Variants in SLC2A13 observed in about 807,000 individuals in gnomAD.
SLC2A13 encodes the protein proton myo-inositol cotransporter.
SLC2A13 carries 32 observed loss-of-function variants against 64.4 expected under a neutral mutation model. The observed-to-expected ratio is 0.50, with a 90% confidence interval of 0.37 to 0.67. The LOEUF (loss-of-function observed/expected upper bound fraction) is 0.67, where lower values mean the gene tolerates loss of function less well. Ranked by LOEUF, SLC2A13 falls within the 30% of genes least tolerant of loss-of-function variation. SLC2A13 has a pLI of 0.00. For synonymous variants in SLC2A13, 338 were observed against 327.1 expected, an observed-to-expected ratio of 1.03 and a Z score of -0.36; for missense variants, 743 against 829.2, an observed-to-expected ratio of 0.90 and a Z score of 1.28.
chr12:40,094,386 G>A (rs887528232), intron 1 of SLC2A13, among the ~76,000 whole-genome samples: 1 of 152,194 alleles, frequency 6.6e-6, no homozygotes, highest in African/African-American at 2.4e-5. Flanking sequence ...TCTGAGGCTG[G>A]CCCAAATTAA....
At chr12:39,924,893 C>T (rs1945692111) in intron 4 of SLC2A13, among the ~76,000 whole-genome samples, 1 of 151,762 alleles carries the variant, frequency 6.6e-6, no homozygotes, top group Non-Finnish European at 1.5e-5. Flanking sequence ...CTATGTAATA[C>T]ATTGTAAAAA....
intron 1 of SLC2A13, among the ~76,000 whole-genome samples, chr12:40,083,430 G>GA (rs1404450401): frequency 6.6e-6 from 1 of 152,112 alleles, no homozygotes; most frequent in Non-Finnish European, 1.5e-5. Flanking sequence ...AAACTACAGA[G>GA]AAAAAATAAC....
intron 1 of SLC2A13, among the ~76,000 whole-genome samples, chr12:40,079,886 G>A (rs746451417): frequency 6.6e-6 from 1 of 151,910 alleles, no homozygotes; most frequent in Non-Finnish European, 1.5e-5. Flanking sequence ...TTTTTGAGAT[G>A]GAGTCTCACT....
Position 39,978,115 on chromosome 12 carries a change from TTGAG to T in SLC2A13, c.926-26754_926-26751del, listed in dbSNP as rs1250455090. On this transcript the variant is annotated intron_variant, in intron 3 of 9. Coordinates refer to ENST00000280871, the MANE Select transcript of SLC2A13 (RefSeq NM_052885.4). Reference sequence around the variant, plus strand: ...GAAGTAAGCCTTCAATACATTTTTGTTGAGTGAGTGAATGAAACGTTTTATGGCT... The same window carrying T: ...GAAGTAAGCCTTCAATACATTTTTGTTGAGTGAATGAAACGTTTTATGGCT... 4.6e-5 allele frequency among the ~76,000 whole-genome samples: 7 copies of T among 152,322 alleles called. No homozygotes were observed. In the South Asian group the frequency reaches 1.2e-3, roughly 27 times the overall value.
At chr12:39,963,180 G>A (rs565022917) in intron 3 of SLC2A13, among the ~76,000 whole-genome samples, 10 of 151,698 alleles carry the variant, frequency 6.6e-5, no homozygotes, top group South Asian at 2.1e-4. Flanking sequence ...CCAGCTACTT[G>A]GGAGGCTGAG....
chr12:39,917,707 C>T (rs1246441566), intron 4 of SLC2A13, among the ~76,000 whole-genome samples: 1 of 152,022 alleles, frequency 6.6e-6, no homozygotes, highest in Non-Finnish European at 1.5e-5. Context: ...CAGTGAATTA[C>T]ACTGCTGACT....
chr12:40,070,333 A>G (rs1565613766), intron 1 of SLC2A13, among the ~76,000 whole-genome samples: 3 of 152,144 alleles, frequency 2.0e-5, no homozygotes, highest in Non-Finnish European at 4.4e-5. Context: ...TAGGAATGCA[A>G]ATAACTGCTT....
chr12:40,022,965 T>A (rs1947746175), intron 3 of SLC2A13, among the ~76,000 whole-genome samples: 1 of 152,142 alleles, frequency 6.6e-6, no homozygotes, highest in Admixed American at 6.5e-5. Context: ...ATTGAACCCA[T>A]GCTATAAATA....
chr12:40,030,020 A>T (rs1947879495), intron 2 of SLC2A13, among the ~76,000 whole-genome samples: 1 of 152,232 alleles, frequency 6.6e-6, no homozygotes, highest in Non-Finnish European at 1.5e-5. Flanking sequence ...GCATTTAGTT[A>T]ACTTGCACAC....
At chr12:39,944,027 A>G (rs986915848) in intron 4 of SLC2A13, among the ~76,000 whole-genome samples, 57 of 152,104 alleles carry the variant, frequency 3.7e-4, no homozygotes, top group Admixed American at 2.7e-3. Flanking sequence ...TGTAACCCAG[A>G]GGTTTTGATA....
At chr12:40,056,926 G>A (rs1948341298) in intron 1 of SLC2A13, among the ~76,000 whole-genome samples, 1 of 152,098 alleles carries the variant, frequency 6.6e-6, no homozygotes, top group African/African-American at 2.4e-5. Flanking sequence ...CTTGCAGTGA[G>A]TCGAGATCGC....
At chr12:39,808,510 A>G (rs771158594) in intron 7 of SLC2A13, among the ~76,000 whole-genome samples, 2 of 152,144 alleles carry the variant, frequency 1.3e-5, no homozygotes, top group Non-Finnish European at 2.9e-5. Context: ...TAACTTCAGA[A>G]GAAACCTCCA....
At chr12:39,770,370 C>T (rs906106233) in intron 7 of SLC2A13, among the ~76,000 whole-genome samples, 2 of 152,142 alleles carry the variant, frequency 1.3e-5, no homozygotes, top group Non-Finnish European at 2.9e-5. Context: ...AATGACCTCT[C>T]CAGAAGGCAG....
intron 6 of SLC2A13, among the ~76,000 whole-genome samples, chr12:39,864,224 A>G (rs563842911): frequency 5.3e-5 from 8 of 152,352 alleles, no homozygotes; most frequent in African/African-American, 1.9e-4. Flanking sequence ...GCAGCTAGCC[A>G]TTAGAACATT....
intron 3 of SLC2A13, among the ~76,000 whole-genome samples, chr12:40,000,306 C>A (rs547034213): frequency 7.0e-6 from 1 of 143,118 alleles, no homozygotes; most frequent in African/African-American, 2.6e-5. Flanking sequence ...TAAAAAACAA[C>A]AACAACAGCA....
At chr12:39,913,222 A>T (rs1040293708) in intron 4 of SLC2A13, among the ~76,000 whole-genome samples, 4 of 152,128 alleles carry the variant, frequency 2.6e-5, no homozygotes. Flanking sequence ...GAGGTTTCTT[A>T]TTGCAGGGGA....
chr12:39,764,993 A>T (rs1940297252), intron 7 of SLC2A13, 135 bp from the exon 8 acceptor site: 2 of 1,003,714 alleles, frequency 2.0e-6, no homozygotes, highest in Middle Eastern at 3.3e-4. Context: ...AAAAAATAAG[A>T]ACTAAATATA....
intron 6 of SLC2A13, among the ~76,000 whole-genome samples, chr12:39,833,271 T>C (rs148356278): frequency 8.6e-4 from 131 of 152,268 alleles, no homozygotes; most frequent in Middle Eastern, 3.4e-3. Flanking sequence ...AAATATTTCC[T>C]ATCTGGCCCT....
chr12:40,078,221 T>C (rs1311536585), intron 1 of SLC2A13, among the ~76,000 whole-genome samples: 3 of 152,200 alleles, frequency 2.0e-5, no homozygotes, highest in Non-Finnish European at 2.9e-5. Context: ...CATCCTTGTC[T>C]TGTTCTGGTT....
Sources: allele counts gnomAD v4.1 joint callset (sites outside exome capture counted in the v4.1 genomes callset), GRCh38; gene constraint gnomAD v4.1.1; transcripts MANE v1.5; gene names NCBI Gene and HGNC (gene_info 2026-07-23, HGNC 2026-07-21).